Variants in IPO11 observed in about 807,000 individuals in gnomAD.
IPO11 encodes the protein importin-11.
In IPO11, 66 loss-of-function variants were observed where a neutral mutation model predicts 143.2. That is an observed-to-expected ratio of 0.46 (90% CI 0.38 to 0.57). The LOEUF is 0.57. Ranked by LOEUF, IPO11 falls within the 20% of genes least tolerant of loss-of-function variation. The probability of loss-of-function intolerance (pLI) is 0.00; values close to 1 mark genes in which losing one functional copy is unlikely to be tolerated. For synonymous variants in IPO11, 385 were observed against 377.8 expected, an observed-to-expected ratio of 1.02 and a Z score of -0.22; for missense variants, 1,026 against 1,141.0, an observed-to-expected ratio of 0.90 and a Z score of 1.45.
chr5:62,415,273 C>A (rs1743251604), intron 1 of IPO11, among the ~76,000 whole-genome samples: 1 of 151,818 alleles, frequency 6.6e-6, no homozygotes, highest in Admixed American at 6.6e-5. Flanking sequence ...AAGCGGTTCT[C>A]CTGCCTCAGC....
intron 27 of IPO11, among the ~76,000 whole-genome samples, chr5:62,568,449 C>T (rs185440871): frequency 9.9e-4 from 149 of 150,954 alleles, no homozygotes; most frequent in African/African-American, 3.4e-3. Flanking sequence ...TGGTGCACAC[C>T]TGTAATCCCA....
intron 16 of IPO11, among the ~76,000 whole-genome samples, chr5:62,501,132 T>G (rs543936880): frequency 6.6e-6 from 1 of 152,368 alleles, no homozygotes. Flanking sequence ...GCAGAGGTAT[T>G]ACAGGTGCTT....
At position 62,623,465 on chromosome 5, in the gene IPO11, C is replaced by G. The variant is rs568074037; in HGVS notation, c.2764-3689C>G. Among the ~76,000 whole-genome samples the G allele has an allele frequency of 4.7e-4, 71 of 152,128 alleles. No individual in the cohort carries two copies. In the South Asian group the frequency reaches 6.6e-3, roughly 14 times the overall value. On this transcript the variant is annotated intron_variant, in intron 29 of 29. Transcript: ENST00000325324. ...CAGAAAGCAGTCCTGATCCAGATCC[C>G]AAGAGAGGGCTCTTGGATCTCACAC...
intron 3 of IPO11, chr5:62,449,690 GA>G: frequency 3.1e-6 from 1 of 321,528 alleles, no homozygotes; most frequent in Non-Finnish European, 5.6e-6. Flanking sequence ...ACAAGTAATA[GA>G]AATAATCTTA....
chr5:62,594,718 A>G (rs1358786267), intron 28 of IPO11, among the ~76,000 whole-genome samples: 4 of 152,262 alleles, frequency 2.6e-5, no homozygotes, highest in Admixed American at 6.5e-5. Context: ...TTTTTATTCA[A>G]ACTGTTTACA....
At position 62,517,473 on chromosome 5, in the gene IPO11, G is replaced by T. The variant is rs557224459; in HGVS notation, c.1896+1972G>T. On this transcript the variant is annotated intron_variant, in intron 20 of 29. Transcript: ENST00000325324. ...GCTGGCGTGCAATGGTGCGATCTTG[G>T]CTCACTGCAACCTCCACCTCCCAGG... 2.0e-5 allele frequency among the ~76,000 whole-genome samples: 3 copies of T among 152,256 alleles called. No homozygotes were observed. The South Asian group carries it at 6.2e-4, about 32-fold the overall frequency.
chr5:62,592,755 A>G lies in IPO11; in HGVS notation c.2678+1083A>G, dbSNP rs116853343. Among the ~76,000 whole-genome samples the G allele has an allele frequency of 4.9e-4, 75 of 152,222 alleles. 1 individual carries two copies. The East Asian group carries it at 0.013, about 26-fold the overall frequency. ...CGGCAGGAAGGAGAAGTGCTGTGCAAAAGGGGAAAAACCCCTTATGAAACC... is the reference window on the plus strand; with the variant it reads ...CGGCAGGAAGGAGAAGTGCTGTGCAGAAGGGGAAAAACCCCTTATGAAACC... On this transcript the variant is annotated intron_variant, in intron 28 of 29. Coordinates refer to ENST00000325324, the MANE Select transcript of IPO11 (RefSeq NM_016338.5).
chr5:62,455,392 G>A (rs553858815), intron 5 of IPO11, among the ~76,000 whole-genome samples: 12 of 152,196 alleles, frequency 7.9e-5, no homozygotes, highest in African/African-American at 2.6e-4. Flanking sequence ...GCATGGTGGC[G>A]CACGCCTGTA....
chr5:62,581,402 A>T, intron 27 of IPO11: 1 of 945,650 alleles, frequency 1.1e-6, no homozygotes, highest in East Asian at 2.8e-5. Flanking sequence ...TTGGAAATAT[A>T]ATGAATTATA....
rs944128159 is a variant in IPO11 at position 62,442,893 on chromosome 5, C to CAAAACAAAACA, written c.139-87_139-86insACAAAACAAAA. 2.5e-5 allele frequency: 18 copies of CAAAACAAAACA among 733,778 alleles called. No homozygotes were observed. The Admixed American group carries it at 2.7e-4, about 11-fold the overall frequency. 45.5% of individuals were successfully genotyped at this position (733,778 alleles called of 1,614,324 possible). A position where few individuals can be genotyped will look rare whatever the true frequency, so the allele number is the denominator to read the frequency against. On this transcript the variant is annotated intron_variant, in intron 2 of 29. Transcript: ENST00000325324. ...CAAAACAAAACAAAACAAAACAAAACAAAGATCTGTCCATACTTTATTGTG... is the reference window on the plus strand; with the variant it reads ...CAAAACAAAACAAAACAAAACAAAACAAAACAAAACAAAAGATCTGTCCATACTTTATTGTG...
intron 1 of IPO11, among the ~76,000 whole-genome samples, chr5:62,432,007 G>A (rs1162636090): frequency 1.3e-5 from 2 of 151,846 alleles, no homozygotes; most frequent in Non-Finnish European, 2.9e-5. Context: ...CACCACTCCC[G>A]TATGTTTTTT....
intron 16 of IPO11, among the ~76,000 whole-genome samples, chr5:62,504,030 C>A: frequency 6.6e-6 from 1 of 152,142 alleles, no homozygotes; most frequent in South Asian, 2.1e-4. Context: ...CAATTTTAGC[C>A]GATTAAGTCT....
chr5:62,528,219 A>G (rs115859260), intron 21 of IPO11, among the ~76,000 whole-genome samples: 3 of 152,196 alleles, frequency 2.0e-5, no homozygotes, highest in African/African-American at 7.2e-5. Flanking sequence ...AGAGAGGAGA[A>G]TGTTTCCTAA....
At chr5:62,604,925 TAA>T (rs1223365179) in intron 29 of IPO11, among the ~76,000 whole-genome samples, 1 of 152,242 alleles carries the variant, frequency 6.6e-6, no homozygotes, top group Non-Finnish European at 1.5e-5. Flanking sequence ...CTTAGAATTA[TAA>T]GTTAATGTAT....
chr5:62,556,054 A>G (rs913965984), intron 26 of IPO11, among the ~76,000 whole-genome samples: 5 of 152,226 alleles, frequency 3.3e-5, no homozygotes, highest in African/African-American at 1.2e-4. Flanking sequence ...ATCCAGTGTG[A>G]TATTAAATCA....
chr5:62,413,869 G>C (rs772412291), intron 1 of IPO11, among the ~76,000 whole-genome samples: 1 of 152,226 alleles, frequency 6.6e-6, no homozygotes, highest in Non-Finnish European at 1.5e-5. Context: ...CTCTTCTATA[G>C]GAGACATCCA....
At chr5:62,483,715 G>A (rs1746296709) in intron 10 of IPO11, among the ~76,000 whole-genome samples, 1 of 152,026 alleles carries the variant, frequency 6.6e-6, no homozygotes, top group Non-Finnish European at 1.5e-5. Flanking sequence ...TGGTGGTGGG[G>A]GAGAGAGAAA....
chr5:62,526,669 T>A (rs1188259900), intron 21 of IPO11: 7 of 165,920 alleles, frequency 4.2e-5, no homozygotes, highest in African/African-American at 7.2e-5. Flanking sequence ...CTTAACTTAC[T>A]GTTCTACTGA....
intron 24 of IPO11, among the ~76,000 whole-genome samples, chr5:62,545,396 A>G (rs553842207): frequency 9.7e-4 from 148 of 152,346 alleles, no homozygotes; most frequent in African/African-American, 3.4e-3. Context: ...GGCTAGCCAT[A>G]TGTAGAAAGC....
Sources: allele counts gnomAD v4.1 joint callset (sites outside exome capture counted in the v4.1 genomes callset), GRCh38; gene constraint gnomAD v4.1.1; transcripts MANE v1.5; gene names NCBI Gene and HGNC (gene_info 2026-07-23, HGNC 2026-07-21).